Variants in TRIM24 observed in about 807,000 individuals in gnomAD.
TRIM24 encodes tripartite motif containing 24, also known as transcription intermediary factor 1-alpha.
TRIM24 carries 29 observed loss-of-function variants against 123.9 expected under a neutral mutation model. The ratio of observed to expected loss-of-function variants is 0.23; its 90% CI spans 0.17 to 0.32. TRIM24 has a LOEUF of 0.32. TRIM24 is among the 10% of genes least tolerant of loss of function. TRIM24 has a pLI of 1.00. For synonymous variants in TRIM24, 456 were observed against 461.1 expected, an observed-to-expected ratio of 0.99 and a Z score of 0.14; for missense variants, 932 against 1,295.3, an observed-to-expected ratio of 0.72 and a Z score of 4.31.
intron 1 of TRIM24, among the ~76,000 whole-genome samples, chr7:138,463,077 G>A (rs1179233117): frequency 3.9e-5 from 5 of 127,364 alleles, no homozygotes; most frequent in Non-Finnish European, 4.9e-5. Flanking sequence ...TTTGGTAGAG[G>A]CGGGGTTACT....
intron 1 of TRIM24, among the ~76,000 whole-genome samples, chr7:138,498,635 T>TTTTTTC (rs918555327): frequency 6.6e-6 from 1 of 152,064 alleles, no homozygotes; most frequent in African/African-American, 2.4e-5. Context: ...GCTCACATTG[T>TTTTTTC]TTTTTCTTTT....
At chr7:138,477,578 T>A (rs1434093326) in intron 1 of TRIM24, among the ~76,000 whole-genome samples, 1 of 152,230 alleles carries the variant, frequency 6.6e-6, no homozygotes, top group Non-Finnish European at 1.5e-5. Context: ...TTTTTGAAAC[T>A]GATTTTTAAA....
intron 1 of TRIM24, among the ~76,000 whole-genome samples, chr7:138,467,886 G>A (rs1047891603): frequency 2.6e-5 from 4 of 151,766 alleles, no homozygotes; most frequent in Non-Finnish European, 4.4e-5. Context: ...TGCTAAATTC[G>A]ATTATTAAGT....
intron 1 of TRIM24, chr7:138,491,466 C>T (rs1393418633): frequency 1.3e-5 from 2 of 153,746 alleles, no homozygotes; most frequent in Non-Finnish European, 1.4e-5. Flanking sequence ...TGACTTATTT[C>T]CTTTAGCATA....
At chr7:138,470,838 T>C (rs1795258022) in intron 1 of TRIM24, among the ~76,000 whole-genome samples, 1 of 152,250 alleles carries the variant, frequency 6.6e-6, no homozygotes, top group African/African-American at 2.4e-5. Context: ...GCTGTAGCTG[T>C]TACTGTCTCA....
rs554881466 is a variant in TRIM24 at position 138,470,675 on chromosome 7, G to A, written c.364+9763G>A. Among the ~76,000 whole-genome samples, 17 of 152,210 alleles carry A rather than the reference G, an allele frequency of 1.1e-4. No individual in the cohort carries two copies. In the South Asian group the frequency reaches 2.9e-3, roughly 26 times the overall value. On this transcript the variant is annotated intron_variant, in intron 1 of 18. Transcript: ENST00000343526. ...TGTATAATAACCTTAAAAAGTGATC[G>A]CTTGTTTCAATTAACGACAGAGACA...
intron 1 of TRIM24, among the ~76,000 whole-genome samples, chr7:138,493,948 A>G (rs1401936956): frequency 2.0e-5 from 3 of 151,784 alleles, no homozygotes; most frequent in African/African-American, 7.3e-5. Flanking sequence ...TGCCCTTTAT[A>G]TCTGTTTTAT....
At chr7:138,525,173 C>CT in intron 4 of TRIM24, 68 bp from the exon 5 acceptor site, 4 of 714,352 alleles carry the variant, frequency 5.6e-6, no homozygotes, top group South Asian at 2.4e-5. Flanking sequence ...GTTTTTATGT[C>CT]TTTTTTTATT....
chr7:138,535,479 T>C (rs970154019), intron 6 of TRIM24, among the ~76,000 whole-genome samples: 1 of 152,182 alleles, frequency 6.6e-6, no homozygotes, highest in Non-Finnish European at 1.5e-5. Flanking sequence ...TTATGAAGCT[T>C]AGTTTGGCTA....
Position 138,584,824 on chromosome 7 carries a change from G to C in TRIM24, c.3026G>C (p.Arg1009Thr), listed in dbSNP as rs767530688. 1.2e-6 allele frequency: 2 copies of C among 1,613,288 alleles called. No individual in the cohort carries two copies. The highest frequency in any genetic ancestry group is 1.7e-6 in the Non-Finnish European group (2 of 1,179,698). The change falls in exon 19 of 19, where the codon AGG (arginine) becomes ACG (threonine). Residue 1009 changes from arginine to threonine, a missense_variant. By Grantham distance (71) the Arg-to-Thr change is moderately conservative. Around this residue, in one of 7 missense-constraint regions of TRIM24, gnomAD observed 104 missense variants for 121.5 expected, o/e 0.86. Coordinates refer to ENST00000343526, the MANE Select transcript of TRIM24 (RefSeq NM_015905.3). ...CTAAAGAACCTCTATCCAGAAAAAA[G>C]GTTTCCCAAACCAGAATTCAGGAAT... Reference protein sequence around the residue: ...ELLKNLYPEKRFPKPEFRNES... With the variant: ...ELLKNLYPEKTFPKPEFRNES...
chr7:138,573,585 C>T lies in TRIM24; in HGVS notation c.1957C>T (p.Pro653Ser). The change falls in exon 12 of 19, where the codon CCC becomes TCC. Residue 653 changes from proline (P) to serine (S), a missense_variant. By Grantham distance (74) the Pro-to-Ser change is moderately conservative (BLOSUM62 -1). This residue lies in a region of TRIM24 where 527 missense variants were observed against 691.3 expected (regional missense o/e 0.76). Coordinates refer to ENST00000343526, the MANE Select transcript of TRIM24 (RefSeq NM_015905.3). ...TATAGATCATGGCCAGCCAAGACCA[C>T]CCTCAAACAGAACGGTCCAGTCACC... ...TNIDHGQPRP[P>S]SNRTVQSPNS... 1 of 1,613,974 alleles carries T rather than the reference C, an allele frequency of 6.2e-7. No individual in the cohort carries two copies. Among genetic ancestry groups the T allele is most frequent in the Non-Finnish European group, 8.5e-7 (1 of 1,179,944 alleles).
chr7:138,481,018 GT>G (rs1795515329), intron 1 of TRIM24, among the ~76,000 whole-genome samples: 1 of 151,720 alleles, frequency 6.6e-6, no homozygotes, highest in Admixed American at 6.6e-5. Context: ...TTAAGACAGA[GT>G]TTCACTCTTG....
At position 138,508,662 on chromosome 7, in the gene TRIM24, AGTGT is replaced by A. The variant is rs781643258; in HGVS notation, c.483+4282_483+4285del. On this transcript the variant is annotated intron_variant, in intron 2 of 18. Coordinates refer to ENST00000343526, the MANE Select transcript of TRIM24 (RefSeq NM_015905.3). ...TTCTTCAGAGGTGACTAATAAGAGG[AGTGT>A]GTGTGTGTGTGTGTGTGTGTGTGTG... Among the ~76,000 whole-genome samples, 98 of 112,884 alleles carry A rather than the reference AGTGT, an allele frequency of 8.7e-4. 1 individual carries two copies. The highest frequency in any genetic ancestry group is 1.8e-3 in the African/African-American group (61 of 33,952). 74.1% of individuals were successfully genotyped at this position (112,884 alleles called of 152,430 possible).
At chr7:138,462,053 T>G (rs1794995007) in intron 1 of TRIM24, among the ~76,000 whole-genome samples, 1 of 152,172 alleles carries the variant, frequency 6.6e-6, no homozygotes, top group Non-Finnish European at 1.5e-5. Context: ...GACTGCCCTT[T>G]GTTTCTATTT....
At chr7:138,536,140 G>T (rs1584725695) in intron 6 of TRIM24, among the ~76,000 whole-genome samples, 2 of 152,030 alleles carry the variant, frequency 1.3e-5, no homozygotes, top group African/African-American at 4.8e-5. Flanking sequence ...AAGGTTTTTA[G>T]CTTCTTTGCA....
At chr7:138,490,694 C>G in intron 1 of TRIM24, 1 of 426,698 alleles carries the variant, frequency 2.3e-6, no homozygotes, top group Non-Finnish European at 4.5e-6. Flanking sequence ...TGAGTTTTTC[C>G]AGTTCAAACC....
intron 2 of TRIM24, among the ~76,000 whole-genome samples, chr7:138,513,117 G>T (rs111723627): frequency 0.021 from 3,240 of 152,210 alleles, 94 homozygotes; most frequent in African/African-American, 0.071. Flanking sequence ...AAAGGTGACC[G>T]TTGCTCCATT....
intron 2 of TRIM24, among the ~76,000 whole-genome samples, chr7:138,509,440 A>G (rs1407821534): frequency 6.6e-6 from 1 of 150,824 alleles, no homozygotes. Context: ...ATGGTGGCTT[A>G]TGCCTGTAAT....
At chr7:138,579,081 C>A in intron 14 of TRIM24, 123 bp from the exon 15 acceptor site, 1 of 709,016 alleles carries the variant, frequency 1.4e-6, no homozygotes, top group Non-Finnish European at 2.3e-6. Context: ...AAACATATAC[C>A]CTTCTCCTGA....
Sources: gnomAD v4.1 joint callset for allele counts (sites outside exome capture counted in the v4.1 genomes callset) on GRCh38, gnomAD v4.1.1 for gene constraint, gnomAD v4.1.1 regional missense constraint, MANE v1.5 for transcripts, NCBI Gene and HGNC (gene_info 2026-07-23, HGNC 2026-07-21) for gene names.